The following GBF1 variants were observed in gnomAD, a reference collection of about 807,000 sequenced individuals.
GBF1 encodes the protein Golgi-specific brefeldin A-resistance guanine nucleotide exchange factor 1.
A neutral mutation model predicts 210.5 loss-of-function variants in GBF1; 114 were observed. That is an observed-to-expected ratio of 0.54 (90% confidence interval 0.47 to 0.63). The LOEUF is 0.63. Among genes scored for constraint, GBF1 ranks in the 30% least tolerant of loss-of-function variants. The probability of loss-of-function intolerance (pLI) is 0.00; values close to 1 mark genes in which losing one functional copy is unlikely to be tolerated. For synonymous variants in GBF1, 850 were observed against 889.2 expected, an observed-to-expected ratio of 0.96 and a Z score of 0.78; for missense variants, 1,851 against 2,357.7, an observed-to-expected ratio of 0.79 and a Z score of 4.45.
intron 3 of GBF1, among the ~76,000 whole-genome samples, chr10:102,268,875 T>A (rs899410432): frequency 2.0e-5 from 3 of 152,198 alleles, no homozygotes; most frequent in Non-Finnish European, 4.4e-5. Context: ...TGTTAGAAGA[T>A]GGAGTTGGCT....
intron 3 of GBF1, among the ~76,000 whole-genome samples, chr10:102,271,224 A>G (rs552188735): frequency 6.6e-6 from 1 of 152,054 alleles, no homozygotes; most frequent in Non-Finnish European, 1.5e-5. Context: ...TTTTTAGTAG[A>G]GATGGGGTTT....
chr10:102,265,653 C>G (rs12569901), intron 3 of GBF1, among the ~76,000 whole-genome samples: 17,077 of 152,144 alleles, frequency 0.11, 1,249 homozygotes, highest in East Asian at 0.24. Flanking sequence ...CCACTGTACT[C>G]TAGCCTGAGT....
At chr10:102,244,614 G>C (rs889288551), upstream of GBF1, among the ~76,000 whole-genome samples, 1 of 152,216 alleles carries the variant, frequency 6.6e-6, no homozygotes, top group Non-Finnish European at 1.5e-5. Context: ...TATCACTGAT[G>C]AGGTGGGCTA....
chr10:102,296,023 A>G (rs546523561), intron 3 of GBF1, among the ~76,000 whole-genome samples: 1 of 152,296 alleles, frequency 6.6e-6, no homozygotes, highest in Admixed American at 6.5e-5. Flanking sequence ...AAACTCATTT[A>G]TTGCTATTAA....
intron 4 of GBF1, among the ~76,000 whole-genome samples, chr10:102,346,664 C>T (rs1014898221): frequency 1.3e-5 from 2 of 152,140 alleles, no homozygotes; most frequent in African/African-American, 4.8e-5. Flanking sequence ...CACGCCACCA[C>T]ACCCAGCTAG....
intron 1 of GBF1, among the ~76,000 whole-genome samples, chr10:102,247,637 TTCTC>T (rs2071010796): frequency 2.0e-5 from 3 of 152,148 alleles, no homozygotes; most frequent in Admixed American, 1.3e-4. Flanking sequence ...CGTTTTCTCT[TTCTC>T]TCTCTTTCTT....
At chr10:102,313,691 G>A (rs1430391763) in intron 3 of GBF1, among the ~76,000 whole-genome samples, 2 of 152,144 alleles carry the variant, frequency 1.3e-5, no homozygotes, top group Non-Finnish European at 2.9e-5. Context: ...CCTTAATGCT[G>A]CAGTTCATGA....
At chr10:102,238,485 C>T in the GBF1 span, among the ~76,000 whole-genome samples, 2 of 152,146 alleles carry the variant, frequency 1.3e-5, no homozygotes, top group African/African-American at 2.4e-5. Flanking sequence ...GGGGTAGTGG[C>T]CAGCATCTGA....
At chr10:102,296,931 G>A (rs1217070873) in intron 3 of GBF1, among the ~76,000 whole-genome samples, 1 of 150,706 alleles carries the variant, frequency 6.6e-6, no homozygotes, top group African/African-American at 2.4e-5. Context: ...TATAATTCCA[G>A]CTACTTGGGA....
At chr10:102,318,735 C>T (rs1316708751) in intron 3 of GBF1, among the ~76,000 whole-genome samples, 1 of 152,098 alleles carries the variant, frequency 6.6e-6, no homozygotes, top group African/African-American at 2.4e-5. Context: ...GTTTTCTTTT[C>T]TATTTCTAAA....
chr10:102,268,181 G>A (rs2479554), intron 3 of GBF1, among the ~76,000 whole-genome samples: 152,267 of 152,338 alleles, frequency 1, 76,098 homozygotes, highest in Non-Finnish European at 1. Context: ...TCAAGGTTAG[G>A]AAATGAAGAC....
At position 102,368,721 on chromosome 10, in the gene GBF1, T is replaced by C. The variant is rs367749799; in HGVS notation, c.2880-18T>C. ...CCTTCCAGTGACTCTGTTTCTGGGA[T>C]GGGGGGTAACATTACAGGAAGTGCG... On this transcript the variant is annotated intron_variant, in intron 22 of 39. Transcript: ENST00000369983. 2.1e-5 allele frequency: 33 copies of C among 1,577,308 alleles called. No individual in the cohort carries two copies. Among genetic ancestry groups the C allele is most frequent in the Middle Eastern group, 1.7e-4 (1 of 6,006 alleles).
rs1565147019 is a variant in GBF1 at position 102,352,515 on chromosome 10, C to T, written c.581C>T (p.Thr194Ile). ...GTAGACATGGTGCAGCTGCTCTTCACAAGGTAAACCTGCTGCTGTTTGCTT... is the reference window on the plus strand; with the variant it reads ...GTAGACATGGTGCAGCTGCTCTTCATAAGGTAAACCTGCTGCTGTTTGCTT... Reference protein sequence around the residue: ...TLVDMVQLLFTRLPQFKEEPK... With the variant: ...TLVDMVQLLFIRLPQFKEEPK... Residue 194 changes from threonine to isoleucine, a missense_variant, in exon 7 of 40, where the codon ACA (threonine) becomes ATA (isoleucine). By Grantham distance (89) the Thr-to-Ile change is moderately conservative. Around this residue, in one of 3 missense-constraint regions of GBF1, gnomAD observed 804 missense variants for 958.6 expected, o/e 0.84. Coordinates refer to ENST00000369983, the MANE Select transcript of GBF1 (RefSeq NM_001377137.1). The T allele has an allele frequency of 6.2e-7, 1 of 1,605,964 alleles. No homozygotes were observed. Among genetic ancestry groups the T allele is most frequent in the East Asian group, 2.2e-5 (1 of 44,840 alleles).
intron 3 of GBF1, among the ~76,000 whole-genome samples, chr10:102,334,494 T>C (rs2057580019): frequency 6.6e-6 from 1 of 152,166 alleles, no homozygotes; most frequent in Admixed American, 6.5e-5. Flanking sequence ...AGGCCACATG[T>C]TGAGGCCTTT....
rs1164670758 is a variant in GBF1 at position 102,362,050 on chromosome 10, C to CTTTTTT, written c.1686+157_1686+162dup. ...GAAGAAAGGCATTTTCTTTTCTTTTCTTTTTTTTTTTTTTTTTTTTTTTTG... is the reference window on the plus strand; with the variant it reads ...GAAGAAAGGCATTTTCTTTTCTTTTCTTTTTTTTTTTTTTTTTTTTTTTTTTTTTTG... On this transcript the variant is annotated intron_variant, in intron 14 of 39. Transcript: ENST00000369983. 8.3e-3 allele frequency: 1,039 copies of CTTTTTT among 124,734 alleles called. 4 individuals are homozygous for CTTTTTT. Among genetic ancestry groups the CTTTTTT allele is most frequent in the Non-Finnish European group, 9.9e-3 (717 of 72,196 alleles). 7.7% of individuals were successfully genotyped at this position (124,734 alleles called of 1,614,324 possible). A position where few individuals can be genotyped will look rare whatever the true frequency, so the allele number is the denominator to read the frequency against.
intron 3 of GBF1, among the ~76,000 whole-genome samples, chr10:102,317,257 C>A (rs2055894075): frequency 6.6e-6 from 1 of 151,966 alleles, no homozygotes; most frequent in African/African-American, 2.4e-5. Context: ...ATAGTGAGAC[C>A]CTGTATCTAA....
intron 18 of GBF1, among the ~76,000 whole-genome samples, chr10:102,365,972 A>G (rs1373603184): frequency 2.0e-5 from 3 of 152,082 alleles, no homozygotes; most frequent in East Asian, 1.9e-4. Context: ...AAGGTGGGAC[A>G]TGGTTAGTGA....
At position 102,375,564 on chromosome 10, in the gene GBF1, G is replaced by A. The variant is rs1440497304; in HGVS notation, c.3866G>A (p.Arg1289Lys). 2 of 1,612,006 alleles carry A rather than the reference G, an allele frequency of 1.2e-6. No homozygotes were observed. Among genetic ancestry groups the A allele is most frequent in the Non-Finnish European group, 8.5e-7 (1 of 1,178,156 alleles). The change falls in exon 30 of 40, where the codon AGG becomes AAG. Residue 1289 changes from arginine (R) to lysine (K), a missense_variant. Arg to Lys is a conservative substitution (Grantham distance 26, BLOSUM62 2). Transcript: ENST00000369983. ...CCAGCTGCTCTGCAGGCCACAGCCA[G>A]GGCAGATGCACCTGATGCCGGTAAG... ...KPPAALQATA[R>K]ADAPDAGAQS...
chr10:102,360,305 G>T lies in GBF1; in HGVS notation c.1302G>T (p.Leu434Phe). The T allele has an allele frequency of 6.2e-7, 1 of 1,613,864 alleles. No homozygotes were observed. The highest frequency in any genetic ancestry group is 1.7e-5 in the Admixed American group (1 of 60,012). ...TTATGATTCACATGGGACTGCATTT[G>T]CTGACAGTGGCCCTTGAGTCAGCCC... ...SEVMIHMGLH[L>F]LTVALESAPV... Residue 434 changes from leucine to phenylalanine, a missense_variant, in exon 12 of 40, where the codon TTG (leucine) becomes TTT (phenylalanine). By Grantham distance (22) the Leu-to-Phe change is conservative. Coordinates refer to ENST00000369983, the MANE Select transcript of GBF1 (RefSeq NM_001377137.1).
Sources: allele counts gnomAD v4.1 joint callset (sites outside exome capture counted in the v4.1 genomes callset), GRCh38; gene constraint gnomAD v4.1.1; regional missense constraint gnomAD v4.1.1; transcripts MANE v1.5; gene names NCBI Gene and HGNC (gene_info 2026-07-23, HGNC 2026-07-21).